RTN4R: variants seen among roughly 807,000 people sequenced by gnomAD.
The protein encoded by RTN4R is reticulon-4 receptor.
A neutral mutation model predicts 27.7 loss-of-function variants in RTN4R; 4 were observed. That is an observed-to-expected ratio of 0.14 (90% CI 0.07 to 0.33). The LOEUF (loss-of-function observed/expected upper bound fraction) is 0.33. Ranked by LOEUF, RTN4R falls within the 10% of genes least tolerant of loss-of-function variation. The pLI is 1.00. For missense variants in RTN4R, 554 were observed against 671.5 expected (o/e 0.83, Z 1.93); for synonymous variants, 290 against 305.6 (o/e 0.95, Z 0.53).
intron 1 of RTN4R, among the ~76,000 whole-genome samples, chr22:20,266,755 T>C (rs1437471053): frequency 6.6e-6 from 1 of 152,222 alleles, no homozygotes; most frequent in Admixed American, 6.5e-5. Context: ...TGCTCCAGAT[T>C]AGGCCACAGC....
intron 1 of RTN4R, among the ~76,000 whole-genome samples, chr22:20,262,028 A>C (rs855053): frequency 0.48 from 72,769 of 152,162 alleles, 18,151 homozygotes; most frequent in East Asian, 0.89. Context: ...GATGGTAGGC[A>C]GGGAGCCGGG....
chr22:20,248,498 C>T (rs532171597), intron 1 of RTN4R, among the ~76,000 whole-genome samples: 2 of 152,342 alleles, frequency 1.3e-5, no homozygotes, highest in South Asian at 4.1e-4. Flanking sequence ...GGCACCCTCA[C>T]CCCAAGGACA....
At position 20,241,879 on chromosome 22, in the gene RTN4R, G is replaced by A; in HGVS notation, c.1254C>T (p.Gly418=). The A allele has an allele frequency of 6.2e-7, 1 of 1,607,870 alleles. No homozygotes were observed. Among genetic ancestry groups the A allele is most frequent in the Non-Finnish European group, 8.5e-7 (1 of 1,177,706 alleles). ...TGCGGGTGCGGTTCTTGCGTGAACA[G>A]CCTGGCCTCCGGCGAGGGCCCGAGG... ...FPTSGPRRRP[G]CSRKNRTRSH... Residue 418 remains glycine, a synonymous_variant, in exon 2 of 2, where the codon GGC becomes GGT. Coordinates refer to ENST00000043402, the MANE Select transcript of RTN4R (RefSeq NM_023004.6).
chr22:20,267,226 G>A (rs752669524), intron 1 of RTN4R, among the ~76,000 whole-genome samples: 7 of 152,246 alleles, frequency 4.6e-5, no homozygotes, highest in Non-Finnish European at 1.0e-4. Context: ...TGTGCAGTCC[G>A]TGTAGACAAG....
chr22:20,244,029 C>A (rs1046899321), intron 1 of RTN4R, among the ~76,000 whole-genome samples: 49 of 152,326 alleles, frequency 3.2e-4, no homozygotes, highest in African/African-American at 1.1e-3. Flanking sequence ...AGCTTTCCTG[C>A]CTCTCATTCC....
At chr22:20,263,292 A>G (rs547442917) in intron 1 of RTN4R, among the ~76,000 whole-genome samples, 1 of 152,242 alleles carries the variant, frequency 6.6e-6, no homozygotes, top group East Asian at 1.9e-4. Flanking sequence ...CTGTTTCCCA[A>G]AACAGGTTCC....
At chr22:20,256,017 A>G (rs982761264) in intron 1 of RTN4R, among the ~76,000 whole-genome samples, 3 of 152,248 alleles carry the variant, frequency 2.0e-5, no homozygotes, top group Admixed American at 2.0e-4. Context: ...TTTGAAATCA[A>G]TTTGGGATGG....
chr22:20,263,747 T>G (rs1458110323), intron 1 of RTN4R, among the ~76,000 whole-genome samples: 1 of 152,258 alleles, frequency 6.6e-6, no homozygotes, highest in Non-Finnish European at 1.5e-5. Flanking sequence ...TCTCGAGGTG[T>G]GCCAACTGCC....
In RTN4R at chr22:20,250,697, T is replaced by G. The variant is rs910790052; in HGVS notation, c.23-7587A>C. Among the ~76,000 whole-genome samples, 5 of 152,188 alleles carry G rather than the reference T, an allele frequency of 3.3e-5. 1 individual carries two copies. Among genetic ancestry groups the G allele is most frequent in the Admixed American group, 3.3e-4 (5 of 15,288 alleles). On this transcript the variant is annotated intron_variant, in intron 1 of 1. Coordinates refer to ENST00000043402, the MANE Select transcript of RTN4R (RefSeq NM_023004.6). ...GAGACTCAGAAATACTGAAATACTCTGCAGGTCAAAACAGAAATGATCATT... is the reference window on the plus strand; with the variant it reads ...GAGACTCAGAAATACTGAAATACTCGGCAGGTCAAAACAGAAATGATCATT...
At chr22:20,263,943 A>T (rs908472854) in intron 1 of RTN4R, among the ~76,000 whole-genome samples, 1 of 152,338 alleles carries the variant, frequency 6.6e-6, no homozygotes, top group African/African-American at 2.4e-5. Flanking sequence ...AGGTGGCCCC[A>T]AGGCACCCAC....
intron 1 of RTN4R, among the ~76,000 whole-genome samples, chr22:20,243,940 G>A (rs1319566706): frequency 6.6e-6 from 1 of 152,098 alleles, no homozygotes; most frequent in Non-Finnish European, 1.5e-5. Flanking sequence ...CTTCACCAAG[G>A]CCCTACATGG....
intron 1 of RTN4R, among the ~76,000 whole-genome samples, chr22:20,258,011 T>C (rs1008496469): frequency 6.6e-6 from 1 of 152,152 alleles, no homozygotes; most frequent in African/African-American, 2.4e-5. Flanking sequence ...GCCCACCTCA[T>C]GGCACCCACA....
At chr22:20,256,075 G>A (rs974693323) in intron 1 of RTN4R, among the ~76,000 whole-genome samples, 2 of 152,238 alleles carry the variant, frequency 1.3e-5, no homozygotes, top group Non-Finnish European at 2.9e-5. Flanking sequence ...CCCAGGTGCC[G>A]CTGCCTCTTG....
At chr22:20,252,751 C>G (rs2051191564) in intron 1 of RTN4R, among the ~76,000 whole-genome samples, 1 of 152,264 alleles carries the variant, frequency 6.6e-6, no homozygotes, top group South Asian at 2.1e-4. Flanking sequence ...AGGCTGCCCT[C>G]CCAGGGATGG....
In RTN4R at chr22:20,255,782, C is replaced by T. The variant is rs701423; in HGVS notation, c.22+12289G>A. Among the ~76,000 whole-genome samples the T allele has an allele frequency of 0.22, 33,495 of 152,050 alleles. 4,716 individuals are homozygous for T. Among genetic ancestry groups the T allele is most frequent in the Non-Finnish European group, 0.32 (21,532 of 67,934 alleles). The stretch of plus-strand genomic sequence containing the variant: ...CTCAGGAGCCGGGGGTAGGGGTGTG[C>T]GGTCAACACCCAGCAGGGGTCGCCT... On this transcript the variant is annotated intron_variant, in intron 1 of 1. Transcript: ENST00000043402. The surrounding 1 kb of genome is among the most constrained non-coding windows in gnomAD (Gnocchi z 4.8).
At chr22:20,253,160 C>T (rs545380682) in intron 1 of RTN4R, among the ~76,000 whole-genome samples, 1 of 152,328 alleles carries the variant, frequency 6.6e-6, no homozygotes, top group East Asian at 1.9e-4. Context: ...TGCATCTGGG[C>T]TGGAAGAGGG....
intron 1 of RTN4R, chr22:20,243,632 TAGG>T (rs767075330): frequency 4.7e-6 from 2 of 422,346 alleles, no homozygotes; most frequent in African/African-American, 4.1e-5. Context: ...GTCCAGGGCT[TAGG>T]AGGAGTCGCG....
rs5748564 is a variant in RTN4R, at chr22:20,242,412, G to T, written c.721C>A (p.Leu241Met). 2 of 1,613,192 alleles carry T rather than the reference G, an allele frequency of 1.2e-6. No homozygotes were observed. Among genetic ancestry groups the T allele is most frequent in the African/African-American group, 1.3e-5 (1 of 74,928 alleles). Residue 241 changes from leucine to methionine, a missense_variant, in exon 2 of 2, where the codon CTG (leucine) becomes ATG (methionine). By Grantham distance (15) the Leu-to-Met change is conservative (BLOSUM62 2). Around this residue, in one of 2 missense-constraint regions of RTN4R, gnomAD observed 413 missense variants for 542.3 expected, o/e 0.76. Coordinates refer to ENST00000043402, the MANE Select transcript of RTN4R (RefSeq NM_023004.6). Reference protein sequence around the residue: ...LYLFANNLSALPTEALAPLRA... With the variant: ...LYLFANNLSAMPTEALAPLRA... ...AGGGGGGCCAGGGCCTCAGTGGGCAGCGCTGATAGATTGTTGGCAAACAGA... is the reference window on the plus strand; with the variant it reads ...AGGGGGGCCAGGGCCTCAGTGGGCATCGCTGATAGATTGTTGGCAAACAGA...
chr22:20,245,417 G>A (rs910682173), intron 1 of RTN4R, among the ~76,000 whole-genome samples: 1 of 152,196 alleles, frequency 6.6e-6, no homozygotes, highest in Non-Finnish European at 1.5e-5. Flanking sequence ...CTTTTTATGA[G>A]ATAATCAAAC....
Sources: gnomAD v4.1 joint callset for allele counts (sites outside exome capture counted in the v4.1 genomes callset) on GRCh38, gnomAD v4.1.1 for gene constraint, gnomAD v4.1.1 regional missense constraint, Gnocchi (gnomAD v3.1) non-coding constraint, MANE v1.5 for transcripts, NCBI Gene and HGNC (gene_info 2026-07-23, HGNC 2026-07-21) for gene names.